Variants in SLC25A40 observed in about 807,000 individuals in gnomAD.
The protein encoded by SLC25A40 is solute carrier family 25 member 40, also known as mitochondrial glutathione transporter SLC25A40.
A neutral mutation model predicts 46.5 loss-of-function variants in SLC25A40; 41 were observed. The ratio of observed to expected loss-of-function variants is 0.88; its 90% confidence interval spans 0.69 to 1.14. The LOEUF (loss-of-function observed/expected upper bound fraction) is 1.14, where lower values mean the gene tolerates loss of function less well. Ranked by LOEUF, SLC25A40 falls within the 50% of genes most tolerant of loss-of-function variation. The pLI is 0.00. For synonymous variants in SLC25A40, 126 were observed against 127.5 expected (o/e 0.99, Z 0.08); for missense variants, 386 against 393.6 (o/e 0.98, Z 0.16).
chr7:87,852,516 T>C (rs1310454835), intron 5 of SLC25A40, among the ~76,000 whole-genome samples: 1 of 151,866 alleles, frequency 6.6e-6, no homozygotes, highest in African/African-American at 2.4e-5. Context: ...AAGCAGTGAG[T>C]CATGATTGCT....
At position 87,836,171 on chromosome 7, in the gene SLC25A40, T is replaced by A; in HGVS notation, c.*78A>T. 1.3e-6 allele frequency: 1 copy of A among 794,836 alleles called. No individual in the cohort carries two copies. Among genetic ancestry groups the A allele is most frequent in the Non-Finnish European group, 2.0e-6 (1 of 489,810 alleles). 49.2% of individuals were successfully genotyped at this position (794,836 alleles called of 1,614,324 possible). On this transcript the variant is annotated 3_prime_UTR_variant, in exon 12 of 12. Coordinates refer to ENST00000341119, the MANE Select transcript of SLC25A40 (RefSeq NM_018843.4). ...AAGACATAAAATCATTGTGAGAGAA[T>A]AATGGTGAAAAACATTCTTGCCTAA...
chr7:87,848,111 C>T, intron 6 of SLC25A40, 134 bp from the exon 7 acceptor site: 2 of 963,186 alleles, frequency 2.1e-6, no homozygotes, highest in African/African-American at 3.4e-5. Flanking sequence ...AATAAATCAG[C>T]CTATGAGATC....
intron 5 of SLC25A40, among the ~76,000 whole-genome samples, chr7:87,852,257 G>C (rs544714295): frequency 9.2e-5 from 14 of 152,170 alleles, no homozygotes; most frequent in African/African-American, 3.4e-4. Flanking sequence ...AAGGAACTTT[G>C]GGAATAGCGA....
At chr7:87,844,632 T>C (rs1323197492) in intron 8 of SLC25A40, among the ~76,000 whole-genome samples, 1 of 151,988 alleles carries the variant, frequency 6.6e-6, no homozygotes, top group Non-Finnish European at 1.5e-5. Context: ...TTTTTATATA[T>C]ATCCAAACCA....
In SLC25A40 at chr7:87,858,667, C is replaced by T; in HGVS notation, c.61G>A (p.Ala21Thr). Residue 21 changes from alanine (A) to threonine (T), a missense_variant, in exon 3 of 12, where the codon GCC (alanine) becomes ACC (threonine). Transcript: ENST00000341119. ...GTCAGTATAGCTCCAGTACATGAGG[C>T]AAGCATTTGTTGAAGAGGTGTCACT... ...IKVTPLQQML[A>T]SCTGAILTSV... is the part of the protein sequence containing the mutation. 1 of 1,611,992 alleles carries T rather than the reference C, an allele frequency of 6.2e-7. No homozygotes were observed. Among genetic ancestry groups the T allele is most frequent in the East Asian group, 2.2e-5 (1 of 44,860 alleles).
At chr7:87,840,238 G>A (rs962346197) in intron 10 of SLC25A40, among the ~76,000 whole-genome samples, 2 of 151,572 alleles carry the variant, frequency 1.3e-5, no homozygotes, top group African/African-American at 2.4e-5. Flanking sequence ...ATGGCTCCCT[G>A]GTGCCAGTCT....
At chr7:87,847,679 A>AC (rs1343113874) in intron 7 of SLC25A40, among the ~76,000 whole-genome samples, 174 bp downstream of exon 7, 4 of 152,230 alleles carry the variant, frequency 2.6e-5, no homozygotes, top group African/African-American at 9.6e-5. Flanking sequence ...GATGGTAATC[A>AC]CCATTCCATA....
In SLC25A40 at chr7:87,833,833, C is replaced by G. The variant is rs778104204; in HGVS notation, c.*2416G>C. ...TCCTCTCCCTCCTCCCACCCTCCACCCTTTGATAGGCCCCAGTACATGTTG... is the reference window on the plus strand; with the variant it reads ...TCCTCTCCCTCCTCCCACCCTCCACGCTTTGATAGGCCCCAGTACATGTTG... On this transcript the variant is annotated 3_prime_UTR_variant, in exon 12 of 12. Transcript: ENST00000341119. The G allele has an allele frequency of 6.6e-5, 10 of 151,706 alleles. No individual in the cohort carries two copies. Among genetic ancestry groups the G allele is most frequent in the Non-Finnish European group, 1.0e-4 (7 of 67,864 alleles). The allele number at this position is 151,706 out of a possible 1,614,324, so 9.4% of individuals were successfully genotyped here. A position where few individuals can be genotyped will look rare whatever the true frequency, so the allele number is the denominator to read the frequency against.
chr7:87,870,364 T>A (rs1314687071), intron 1 of SLC25A40, among the ~76,000 whole-genome samples: 1 of 152,086 alleles, frequency 6.6e-6, no homozygotes, highest in Non-Finnish European at 1.5e-5. Flanking sequence ...AAAACGTCAC[T>A]TTCAAGATTA....
intron 6 of SLC25A40, among the ~76,000 whole-genome samples, chr7:87,848,547 G>C (rs1339589116): frequency 6.6e-6 from 1 of 152,138 alleles, no homozygotes; most frequent in African/African-American, 2.4e-5. Context: ...GAAATAAAAA[G>C]TACGTGAGAA....
At position 87,849,926 on chromosome 7, in the gene SLC25A40, C is replaced by T. The variant is rs778537970; in HGVS notation, c.287G>A (p.Arg96Gln). The T allele has an allele frequency of 7.5e-6, 12 of 1,596,460 alleles. No homozygotes were observed. Among genetic ancestry groups the T allele is most frequent in the South Asian group, 2.3e-5 (2 of 86,620 alleles). The change falls in exon 6 of 12, where the codon CGA (arginine) becomes CAA (glutamine). Residue 96 changes from arginine (R) to glutamine (Q), a missense_variant. Transcript: ENST00000341119. ...CCATAGAGATTTAATGCCCTCATTT[C>T]GAATGATTTTAAAAAATGCATCCTA... ...GTLDAFFKII[R>Q]NEGIKSLWSG...
intron 6 of SLC25A40, among the ~76,000 whole-genome samples, chr7:87,849,267 C>T (rs1385711095): frequency 6.6e-6 from 1 of 152,166 alleles, no homozygotes; most frequent in African/African-American, 2.4e-5. Context: ...GGCCTATGTG[C>T]ATGCCTGACC....
chr7:87,852,401 T>G (rs914657260), intron 5 of SLC25A40, among the ~76,000 whole-genome samples: 3 of 152,048 alleles, frequency 2.0e-5, no homozygotes, highest in Non-Finnish European at 4.4e-5. Flanking sequence ...GGCAACATAG[T>G]GAGACCCTGT....
At chr7:87,866,752 C>A (rs1473295316) in intron 1 of SLC25A40, among the ~76,000 whole-genome samples, 4 of 152,220 alleles carry the variant, frequency 2.6e-5, no homozygotes, top group African/African-American at 9.7e-5. Context: ...CTGTTTCAGT[C>A]CCGATAAGTT....
chr7:87,850,402 G>T (rs1041872761), intron 5 of SLC25A40, among the ~76,000 whole-genome samples: 1 of 152,150 alleles, frequency 6.6e-6, no homozygotes, highest in African/African-American at 2.4e-5. Flanking sequence ...ATAACAAAAA[G>T]ATAAAGTAAT....
At chr7:87,845,969 T>C (rs1247414101) in intron 8 of SLC25A40, among the ~76,000 whole-genome samples, 5 of 152,180 alleles carry the variant, frequency 3.3e-5, no homozygotes, top group Non-Finnish European at 5.9e-5. Context: ...TGTATATCTA[T>C]GAATCAACAA....
chr7:87,854,257 C>T lies in SLC25A40; in HGVS notation c.211G>A (p.Glu71Lys). 1 of 1,613,466 alleles carries T rather than the reference C, an allele frequency of 6.2e-7. No individual in the cohort carries two copies. Among genetic ancestry groups the T allele is most frequent in the Non-Finnish European group, 8.5e-7 (1 of 1,179,610 alleles). ...GLMDHLCVCE[E>K]GGNKLWYKKP... ...TTATACCATAGTTTGTTGCCTCCCTCTTCACAGACACATAGATGATCCATG... is the reference window on the plus strand; with the variant it reads ...TTATACCATAGTTTGTTGCCTCCCTTTTCACAGACACATAGATGATCCATG... Residue 71 changes from glutamate (E) to lysine (K), a missense_variant, in exon 5 of 12, where the codon GAG (glutamate) becomes AAG (lysine). Glu to Lys is a moderately conservative substitution (Grantham distance 56, BLOSUM62 1). Coordinates refer to ENST00000341119, the MANE Select transcript of SLC25A40 (RefSeq NM_018843.4).
intron 10 of SLC25A40, among the ~76,000 whole-genome samples, chr7:87,839,400 T>A (rs1838299298): frequency 6.7e-6 from 1 of 150,326 alleles, no homozygotes; most frequent in African/African-American, 2.4e-5. Flanking sequence ...TTAAAATGTT[T>A]AAAAATTAAA....
chr7:87,846,326 T>C (rs1387116441), intron 8 of SLC25A40, among the ~76,000 whole-genome samples: 1 of 152,118 alleles, frequency 6.6e-6, no homozygotes, highest in Non-Finnish European at 1.5e-5. Flanking sequence ...TTATTGAGAG[T>C]TTCTCTCTAG....
Sources: gnomAD v4.1 joint callset for allele counts (sites outside exome capture counted in the v4.1 genomes callset) on GRCh38, gnomAD v4.1.1 for gene constraint, MANE v1.5 for transcripts, NCBI Gene and HGNC (gene_info 2026-07-23, HGNC 2026-07-21) for gene names.